The following PIP5K1C variants were observed in gnomAD, a reference collection of about 807,000 sequenced individuals.
PIP5K1C encodes the protein phosphatidylinositol 4-phosphate 5-kinase type-1 gamma.
Under a neutral mutation model 80.1 loss-of-function variants are expected in PIP5K1C, and 45 were observed. The ratio of observed to expected loss-of-function variants is 0.56; its 90% confidence interval spans 0.44 to 0.72. The LOEUF is 0.72. Among genes scored for constraint, PIP5K1C ranks in the 30% least tolerant of loss-of-function variants. PIP5K1C has a pLI of 0.00. For missense variants in PIP5K1C, 753 were observed against 954.6 expected, an observed-to-expected ratio of 0.79 and a Z score of 2.78; for synonymous variants, 498 against 420.1, an observed-to-expected ratio of 1.19 and a Z score of -2.27.
At chr19:3,681,995 C>A (rs1003889778) in intron 1 of PIP5K1C, among the ~76,000 whole-genome samples, 1 of 152,114 alleles carries the variant, frequency 6.6e-6, no homozygotes, top group African/African-American at 2.4e-5. Flanking sequence ...GAGCCTGCTG[C>A]ACGCTGCATG....
At chr19:3,639,944 C>T (rs2145388134) in intron 15 of PIP5K1C, among the ~76,000 whole-genome samples, 1 of 152,308 alleles carries the variant, frequency 6.6e-6, no homozygotes, top group African/African-American at 2.4e-5. Context: ...CTAAACATGC[C>T]CTCCTGCCAT....
intron 15 of PIP5K1C, among the ~76,000 whole-genome samples, chr19:3,639,905 G>A (rs527361079): frequency 1.3e-4 from 20 of 152,336 alleles, no homozygotes; most frequent in African/African-American, 4.8e-4. Flanking sequence ...ATGGCCACAC[G>A]GTGCATCGTG....
chr19:3,672,244 C>T (rs1200097295), intron 1 of PIP5K1C, among the ~76,000 whole-genome samples: 5 of 152,236 alleles, frequency 3.3e-5, no homozygotes, highest in Admixed American at 6.5e-5. Flanking sequence ...GCCACATGGC[C>T]GCCTCTGCAC....
intron 1 of PIP5K1C, among the ~76,000 whole-genome samples, chr19:3,676,388 C>T (rs894766135): frequency 6.6e-6 from 1 of 152,262 alleles, no homozygotes; most frequent in Non-Finnish European, 1.5e-5. Flanking sequence ...CCCGCCCGGG[C>T]TTGGTTCTGA....
Position 3,693,844 on chromosome 19 carries a change from G to A in PIP5K1C, c.94+6453C>T, listed in dbSNP as rs1276227437. ...TTTGGGAGGTGGAGGCAGGAGGGCTGCTTGGGACCAAGGGTTCGAGACCCT... is the reference window on the plus strand; with the variant it reads ...TTTGGGAGGTGGAGGCAGGAGGGCTACTTGGGACCAAGGGTTCGAGACCCT... On this transcript the variant is annotated intron_variant, in intron 1 of 17. Transcript: ENST00000335312. Among the ~76,000 whole-genome samples, 4 of 152,186 alleles carry A rather than the reference G, an allele frequency of 2.6e-5. No individual in the cohort carries two copies. In the East Asian group the frequency reaches 7.8e-4, roughly 30 times the overall value.
intron 10 of PIP5K1C, among the ~76,000 whole-genome samples, chr19:3,646,743 C>T (rs1234105141): frequency 6.6e-6 from 1 of 152,170 alleles, no homozygotes; most frequent in Non-Finnish European, 1.5e-5. Flanking sequence ...CTGCCTGGAC[C>T]TTCTACACGC....
chr19:3,687,141 TGAG>T (rs1372465266), intron 1 of PIP5K1C, among the ~76,000 whole-genome samples: 1 of 151,846 alleles, frequency 6.6e-6, no homozygotes, highest in African/African-American at 2.4e-5. Context: ...TGCAGTGGGC[TGAG>T]ATCATGCCAC....
rs140500854 is a variant in PIP5K1C, at chr19:3,698,354, C to T, written c.94+1943G>A. ...AGTGACGGCCACACAGCACCTGAAG[C>T]GCGGAGCTGGGAGGGGGACATCGGC... On this transcript the variant is annotated intron_variant, in intron 1 of 17. Transcript: ENST00000335312. 1.6e-3 allele frequency among the ~76,000 whole-genome samples: 251 copies of T among 152,336 alleles called. 1 individual carries two copies. The highest frequency in any genetic ancestry group is 5.1e-3 in the African/African-American group (214 of 41,588).
intron 9 of PIP5K1C, 141 bp from the exon 10 acceptor site, chr19:3,647,527 G>A (rs931873083): frequency 5.2e-6 from 4 of 762,316 alleles, no homozygotes; most frequent in African/African-American, 1.7e-5. Flanking sequence ...AGGGTGGCAG[G>A]TGCTCCTGGC....
intron 1 of PIP5K1C, among the ~76,000 whole-genome samples, chr19:3,686,142 C>T (rs987596325): frequency 6.6e-6 from 1 of 152,286 alleles, no homozygotes; most frequent in Non-Finnish European, 1.5e-5. Flanking sequence ...CGTGAGCCAC[C>T]GTACTTAGAC....
chr19:3,636,386 G>A (rs1036949755), intron 16 of PIP5K1C: 2 of 985,180 alleles, frequency 2.0e-6, no homozygotes, highest in Admixed American at 6.2e-5. Context: ...CTCCCTTCTG[G>A]CCCCCACACT....
intron 1 of PIP5K1C, among the ~76,000 whole-genome samples, chr19:3,694,532 C>T (rs2036042456): frequency 6.6e-6 from 1 of 152,238 alleles, no homozygotes; most frequent in South Asian, 2.1e-4. Flanking sequence ...TGGACACCTG[C>T]CCCAACCCCA....
intron 13 of PIP5K1C, 135 bp from the exon 14 acceptor site, chr19:3,643,074 C>T (rs2034040558): frequency 1.2e-5 from 17 of 1,461,466 alleles, no homozygotes; most frequent in East Asian, 2.3e-5. Flanking sequence ...CTCCCTCCCA[C>T]ACATTGGATG....
intron 14 of PIP5K1C, among the ~76,000 whole-genome samples, chr19:3,642,404 G>A (rs1231097722): frequency 6.6e-6 from 1 of 152,248 alleles, no homozygotes; most frequent in Non-Finnish European, 1.5e-5. Flanking sequence ...GGCGTGACAG[G>A]AACGGCGCGC....
intron 4 of PIP5K1C, 39 bp downstream of exon 4, chr19:3,661,827 CGTGTG>C: frequency 1.2e-6 from 2 of 1,606,276 alleles, no homozygotes; most frequent in Admixed American, 3.3e-5. Context: ...CTCAGAGCCA[CGTGTG>C]TGCTGGGTGA....
Position 3,637,311 on chromosome 19 carries a change from C to G in PIP5K1C, c.1920+1573G>C. 6.6e-7 allele frequency: 1 copy of G among 1,517,854 alleles called. No individual in the cohort carries two copies. The highest frequency in any genetic ancestry group is 8.8e-7 in the Non-Finnish European group (1 of 1,137,452). The allele number at this position is 1,517,854 out of a possible 1,614,324, so 94.0% of individuals were successfully genotyped here. A position where few individuals can be genotyped will look rare whatever the true frequency, so the allele number is the denominator to read the frequency against. On this transcript the variant is annotated intron_variant, in intron 16 of 17. Transcript: ENST00000335312. The surrounding 1 kb of genome is among the most constrained non-coding windows in gnomAD (Gnocchi z 7.0). ...CTGGTGATGGTGCTGCCCTATGGAG[C>G]GCCCGGTTCGACGTGGGACCGAATG...
intron 5 of PIP5K1C, among the ~76,000 whole-genome samples, chr19:3,660,328 C>G (rs1254807951): frequency 6.6e-6 from 1 of 151,568 alleles, no homozygotes; most frequent in African/African-American, 2.4e-5. Context: ...TACAGTGAGC[C>G]GAGATCGCAC....
rs370009770 is a variant in PIP5K1C, at chr19:3,683,008, G to C, written c.95-15655C>G. On this transcript the variant is annotated intron_variant, in intron 1 of 17. Transcript: ENST00000335312. ...CCCCTCCCTCCCCACACCAGGCTTGGTCCTGCCCTAGGGCCTCCGCACAGG... is the reference window on the plus strand; with the variant it reads ...CCCCTCCCTCCCCACACCAGGCTTGCTCCTGCCCTAGGGCCTCCGCACAGG... Among the ~76,000 whole-genome samples, 43 of 147,338 alleles carry C rather than the reference G, an allele frequency of 2.9e-4. No homozygotes were observed. In the East Asian group the frequency reaches 8.5e-3, roughly 29 times the overall value.
chr19:3,675,906 G>A (rs1186352839), intron 1 of PIP5K1C, among the ~76,000 whole-genome samples: 5 of 152,210 alleles, frequency 3.3e-5, no homozygotes, highest in Non-Finnish European at 7.3e-5. Flanking sequence ...AGGGGGGCAG[G>A]ATGACCCCAG....
Sources: gnomAD v4.1 joint callset for allele counts (sites outside exome capture counted in the v4.1 genomes callset) on GRCh38, gnomAD v4.1.1 for gene constraint, Gnocchi (gnomAD v3.1) non-coding constraint, MANE v1.5 for transcripts, NCBI Gene and HGNC (gene_info 2026-07-23, HGNC 2026-07-21) for gene names.